Variants in PTK2 observed in about 807,000 individuals in gnomAD.
PTK2 encodes focal adhesion kinase 1.
A neutral mutation model predicts 150.1 loss-of-function variants in PTK2; 45 were observed. That is an observed-to-expected ratio of 0.30 (90% CI 0.24 to 0.38). The LOEUF (loss-of-function observed/expected upper bound fraction) is 0.38, where lower values mean the gene tolerates loss of function less well. PTK2 is among the 10% of genes least tolerant of loss of function. The pLI, the probability that PTK2 is intolerant of heterozygous loss-of-function variation, is 1.00. For missense variants in PTK2, 919 were observed against 1,307.3 expected (o/e 0.70, Z 4.58); for synonymous variants, 432 against 449.2 (o/e 0.96, Z 0.48).
Position 140,796,264 on chromosome 8 carries a change from T to C in PTK2, c.1094-2880A>G, listed in dbSNP as rs140015641. Reference sequence around the variant, plus strand: ...CATATATACAACTCACTGCACATCATAGGAATTCAAGCCAAACTGCAAGCC... The same window carrying C: ...CATATATACAACTCACTGCACATCACAGGAATTCAAGCCAAACTGCAAGCC... On this transcript the variant is annotated intron_variant, in intron 12 of 31. Transcript: ENST00000522684. Among the ~76,000 whole-genome samples, 971 of 152,296 alleles carry C rather than the reference T, an allele frequency of 6.4e-3. 15 individuals carry two copies. Among genetic ancestry groups the C allele is most frequent in the African/African-American group, 0.022 (894 of 41,568 alleles).
intron 1 of PTK2, among the ~76,000 whole-genome samples, chr8:140,959,617 T>C (rs550951703): frequency 1.3e-5 from 2 of 151,528 alleles, no homozygotes; most frequent in Non-Finnish European, 2.9e-5. Context: ...ATAATCTATA[T>C]ACTTATATCT....
intron 17 of PTK2, among the ~76,000 whole-genome samples, chr8:140,747,475 GA>G (rs1449432857): frequency 4.3e-5 from 1 of 23,392 alleles, no homozygotes; most frequent in African/African-American, 2.6e-4. Context: ...GGAGGAAGAG[GA>G]GGGGGAAGAG....
intron 4 of PTK2, among the ~76,000 whole-genome samples, chr8:140,866,270 T>C (rs1310419050): frequency 6.6e-6 from 1 of 152,208 alleles, no homozygotes; most frequent in South Asian, 2.1e-4. Context: ...ATTTTTTTGG[T>C]TGGGGGAAGC....
chr8:140,667,660 C>T (rs1188247782), intron 30 of PTK2, among the ~76,000 whole-genome samples: 1 of 152,148 alleles, frequency 6.6e-6, no homozygotes, highest in Non-Finnish European at 1.5e-5. Flanking sequence ...CTCCACTGAA[C>T]ACAATTTGGA....
intron 4 of PTK2, chr8:140,879,166 T>C (rs1223937312): frequency 4.6e-6 from 1 of 215,798 alleles, no homozygotes; most frequent in Non-Finnish European, 9.1e-6. Context: ...CACATATATA[T>C]ATGATTTGAG....
chr8:140,927,341 C>T (rs984235465), intron 1 of PTK2: 1 of 152,164 alleles, frequency 6.6e-6, no homozygotes, highest in Non-Finnish European at 1.5e-5. Context: ...AGTTTGACTG[C>T]TCACCTTATT....
chr8:140,700,310 G>C (rs928460999), intron 26 of PTK2, among the ~76,000 whole-genome samples: 2 of 152,064 alleles, frequency 1.3e-5, no homozygotes, highest in African/African-American at 4.8e-5. Flanking sequence ...TGGGACTACA[G>C]GTGTGAGCCA....
rs115199913 is a variant in PTK2 at position 140,891,351 on chromosome 8, G to A, written c.-32-582C>T. ...ATGCACAATTAAAATTTTTAAGTGC[G>A]ATAAAGGACTTCTATTTGAGTTTGA... is the stretch of plus-strand genomic sequence containing the variant. On this transcript the variant is annotated intron_variant, in intron 2 of 31. Coordinates refer to ENST00000522684, the Ensembl canonical transcript of PTK2. Among the ~76,000 whole-genome samples, 1,173 of 152,160 alleles carry A rather than the reference G, an allele frequency of 7.7e-3. 12 individuals carry two copies. Among genetic ancestry groups the A allele is most frequent in the African/African-American group, 0.026 (1,083 of 41,522 alleles).
chr8:140,902,924 G>GTTTTTTGTTTTTTTTTTTTTT (rs2100159140), intron 2 of PTK2, among the ~76,000 whole-genome samples: 2 of 58,966 alleles, frequency 3.4e-5, no homozygotes, highest in Admixed American at 2.3e-4. Flanking sequence ...GATGAGAGTT[G>GTTTTTTGTTTTTTTTTTTTTT]TTTTTTTTTT....
chr8:140,811,632 T>C (rs1344319238), intron 10 of PTK2, among the ~76,000 whole-genome samples: 1 of 152,150 alleles, frequency 6.6e-6, no homozygotes, highest in Non-Finnish European at 1.5e-5. Flanking sequence ...GATGTAGGAG[T>C]ACACTGAAAC....
intron 1 of PTK2, among the ~76,000 whole-genome samples, chr8:140,946,076 G>A (rs2100177599): frequency 6.6e-6 from 1 of 152,188 alleles, no homozygotes; most frequent in African/African-American, 2.4e-5. Flanking sequence ...GGGAAAAGGA[G>A]AAGGAAAGCT....
At chr8:140,820,076 GTTTTTTTTTTTTTTTT>G (rs370537018) in intron 8 of PTK2, among the ~76,000 whole-genome samples, 4,793 of 50,138 alleles carry the variant, frequency 0.096, 264 homozygotes, top group Non-Finnish European at 0.16. Context: ...TCTGACTTTG[GTTTTTTTTTTTTTTTT>G]TTTTTTTTTT....
At chr8:140,776,840 G>T (rs897619662) in intron 14 of PTK2, among the ~76,000 whole-genome samples, 1 of 152,128 alleles carries the variant, frequency 6.6e-6, no homozygotes, top group South Asian at 2.1e-4. Flanking sequence ...GATCCCCAAG[G>T]GTGTGACTGT....
chr8:140,819,113 T>C, intron 8 of PTK2, 93 bp from the exon 9 acceptor site: 3 of 1,223,772 alleles, frequency 2.5e-6, no homozygotes, highest in Non-Finnish European at 3.4e-6. Context: ...ACCAACTACT[T>C]ACTAACACCT....
At chr8:140,938,252 C>A (rs1371993824) in intron 1 of PTK2, among the ~76,000 whole-genome samples, 1 of 152,154 alleles carries the variant, frequency 6.6e-6, no homozygotes, top group Non-Finnish European at 1.5e-5. Context: ...TGTGACCCAG[C>A]CACGTGCAGG....
chr8:140,851,754 G>C (rs2100129381), intron 5 of PTK2, among the ~76,000 whole-genome samples: 1 of 152,004 alleles, frequency 6.6e-6, no homozygotes, highest in African/African-American at 2.4e-5. Flanking sequence ...AGCTACACGG[G>C]AGGCTGAAGA....
rs148171647 is a variant in PTK2 at position 140,961,853 on chromosome 8, T to C, written c.-121-36104A>G. Among the ~76,000 whole-genome samples, 983 of 152,194 alleles carry C rather than the reference T, an allele frequency of 6.5e-3. 6 individuals are homozygous for C. Among genetic ancestry groups the C allele is most frequent in the South Asian group, 0.019 (90 of 4,814 alleles). On this transcript the variant is annotated intron_variant, in intron 1 of 31. Transcript: ENST00000522684. ...TTTATAGGTTTAATTCTTTTAAAGA[T>C]TTCATTTAGAGGTTTATCCCTTCAA...
intron 1 of PTK2, among the ~76,000 whole-genome samples, chr8:140,994,688 T>C (rs1329075363): frequency 6.6e-6 from 1 of 152,190 alleles, no homozygotes. Flanking sequence ...GACCATGACC[T>C]GTACCCACAT....
chr8:140,682,932 A>G (rs1275982274), intron 27 of PTK2, among the ~76,000 whole-genome samples: 3 of 152,172 alleles, frequency 2.0e-5, no homozygotes, highest in African/African-American at 7.2e-5. Flanking sequence ...CTGACATCAC[A>G]CCTTGAGTAA....
Sources: gnomAD v4.1 joint callset for allele counts (sites outside exome capture counted in the v4.1 genomes callset) on GRCh38, gnomAD v4.1.1 for gene constraint, MANE v1.5 for transcripts, NCBI Gene and HGNC (gene_info 2026-07-23, HGNC 2026-07-21) for gene names.